TRIP4: variants seen among roughly 807,000 people sequenced by gnomAD.
TRIP4 encodes activating signal cointegrator 1.
Under a neutral mutation model 81.8 loss-of-function variants are expected in TRIP4, and 54 were observed. The ratio of observed to expected loss-of-function variants is 0.66; its 90% CI spans 0.53 to 0.83. The LOEUF (loss-of-function observed/expected upper bound fraction) is 0.83. TRIP4 is among the 40% of genes least tolerant of loss of function. TRIP4 has a pLI of 0.00. For missense variants in TRIP4, 662 were observed against 683.6 expected (o/e 0.97, Z 0.35); for synonymous variants, 270 against 242.8 (o/e 1.11, Z -1.04).
chr15:64,396,682 A>G (rs966937816), intron 3 of TRIP4, among the ~76,000 whole-genome samples: 1 of 152,226 alleles, frequency 6.6e-6, no homozygotes, highest in Admixed American at 6.5e-5. Context: ...ACACATCACA[A>G]TTTATCCATT....
At chr15:64,445,136 C>A in intron 12 of TRIP4, 28 bp downstream of exon 12, 1 of 1,281,614 alleles carries the variant, frequency 7.8e-7, no homozygotes, top group Non-Finnish European at 1.1e-6. Flanking sequence ...TTCTTTAAGA[C>A]TAGTCAAGTG....
intron 5 of TRIP4, among the ~76,000 whole-genome samples, chr15:64,402,941 G>A (rs190635917): frequency 3.3e-5 from 5 of 149,660 alleles, no homozygotes; most frequent in South Asian, 2.1e-4. Flanking sequence ...CTCGCTGCAA[G>A]CTCCATCTCC....
chr15:64,417,562 A>T (rs1891915065), intron 8 of TRIP4, among the ~76,000 whole-genome samples: 1 of 152,198 alleles, frequency 6.6e-6, no homozygotes, highest in Non-Finnish European at 1.5e-5. Flanking sequence ...AAGAAACATT[A>T]ACCTTTGCCA....
intron 3 of TRIP4, among the ~76,000 whole-genome samples, chr15:64,396,843 T>G (rs753872527): frequency 6.6e-6 from 1 of 152,244 alleles, no homozygotes; most frequent in African/African-American, 2.4e-5. Flanking sequence ...TCAGTTGATA[T>G]GAGTTTGCAG....
intron 12 of TRIP4, among the ~76,000 whole-genome samples, chr15:64,446,632 G>C (rs1461631968): frequency 6.6e-6 from 1 of 151,266 alleles, no homozygotes; most frequent in African/African-American, 2.4e-5. Context: ...TCGAACTCCT[G>C]ACCTTGTGAT....
At chr15:64,392,009 C>T (rs1240944776) in intron 1 of TRIP4, among the ~76,000 whole-genome samples, 1 of 142,690 alleles carries the variant, frequency 7.0e-6, no homozygotes, top group Non-Finnish European at 1.5e-5. Flanking sequence ...GGTGCAGCGG[C>T]TCAGCCTGTA....
chr15:64,406,084 T>C (rs1891615718), intron 5 of TRIP4, among the ~76,000 whole-genome samples: 1 of 152,232 alleles, frequency 6.6e-6, no homozygotes, highest in Non-Finnish European at 1.5e-5. Context: ...TTGGTGCCCT[T>C]AGTGAACCAA....
intron 11 of TRIP4, among the ~76,000 whole-genome samples, chr15:64,433,090 T>G (rs969367814): frequency 1.3e-5 from 2 of 151,960 alleles, no homozygotes; most frequent in Admixed American, 6.6e-5. Context: ...AAATAAAAAG[T>G]GAACCTAACT....
Position 64,404,154 on chromosome 15 carries a change from C to A in TRIP4, c.698-2176C>A, listed in dbSNP as rs529183111. 4.5e-3 allele frequency among the ~76,000 whole-genome samples: 688 copies of A among 151,796 alleles called. 2 individuals carry two copies. Among genetic ancestry groups the A allele is most frequent in the Non-Finnish European group, 7.0e-3 (476 of 67,942 alleles). ...GCAGTGAGCCGAGATTGCACCATTG[C>A]ACTCCAGCCTGGGCAACGAGAGTGA... On this transcript the variant is annotated intron_variant, in intron 5 of 12. Coordinates refer to ENST00000261884, the MANE Select transcript of TRIP4 (RefSeq NM_016213.5).
chr15:64,426,044 C>T (rs1046087718), intron 11 of TRIP4, among the ~76,000 whole-genome samples: 1 of 152,000 alleles, frequency 6.6e-6, no homozygotes, highest in East Asian at 1.9e-4. Context: ...GGTCCTGCCA[C>T]TGCACTCCAG....
rs1892858527 is a variant in TRIP4, at chr15:64,455,191, TAA to T, written c.*129_*130del. 5.7e-6 allele frequency: 4 copies of T among 699,518 alleles called. No homozygotes were observed. Among genetic ancestry groups the T allele is most frequent in the Middle Eastern group, 5.9e-4 (2 of 3,394 alleles). 43.3% of individuals were successfully genotyped at this position (699,518 alleles called of 1,614,324 possible). A position where few individuals can be genotyped will look rare whatever the true frequency, so the allele number is the denominator to read the frequency against. The stretch of plus-strand genomic sequence containing the variant: ...CGTCAGGCTTGAATATCTCAGAACT[TAA>T]ACTCTTACCAAAATCTGTATATTTT... On this transcript the variant is annotated 3_prime_UTR_variant, in exon 13 of 13. Coordinates refer to ENST00000261884, the MANE Select transcript of TRIP4 (RefSeq NM_016213.5).
chr15:64,408,179 C>A (rs1250528217), intron 6 of TRIP4, among the ~76,000 whole-genome samples: 2 of 121,612 alleles, frequency 1.6e-5, no homozygotes, highest in Admixed American at 8.9e-5. Flanking sequence ...TTTTTTTGAT[C>A]CGCCAGCCTC....
chr15:64,418,604 G>C lies in TRIP4; in HGVS notation c.1234G>C (p.Glu412Gln), dbSNP rs202181385. The C allele has an allele frequency of 7.1e-5, 114 of 1,613,710 alleles. No individual in the cohort carries two copies. Among genetic ancestry groups the C allele is most frequent in the Non-Finnish European group, 9.3e-6 (11 of 1,180,022 alleles). ...KAFRSSGFGLEFNSFQHQLRI... is the reference protein window; with the variant it reads ...KAFRSSGFGLQFNSFQHQLRI... ...TTTCCGTTCTTCAGGATTTGGACTA[G>C]AGTTCAACTCATTTCAGCACCAGTT... The change falls in exon 9 of 13, where the codon GAG (glutamate) becomes CAG (glutamine). Residue 412 changes from glutamate to glutamine, a missense_variant. Physicochemically the swap from Glu to Gln is conservative, Grantham distance 29 (BLOSUM62 2). Transcript: ENST00000261884.
intron 12 of TRIP4, among the ~76,000 whole-genome samples, chr15:64,449,133 G>C (rs1464123607): frequency 6.6e-6 from 1 of 151,674 alleles, no homozygotes; most frequent in East Asian, 1.9e-4. Context: ...TATTGCTTGA[G>C]CCCAGGAGTT....
intron 12 of TRIP4, among the ~76,000 whole-genome samples, chr15:64,446,785 C>T (rs1299277132): frequency 6.6e-6 from 1 of 151,720 alleles, no homozygotes; most frequent in Non-Finnish European, 1.5e-5. Context: ...CTAGAGCAGC[C>T]TCTTGTATTT....
chr15:64,425,659 G>C lies in TRIP4; in HGVS notation c.1575+28G>C. On this transcript the variant is annotated intron_variant, in intron 11 of 12. Coordinates refer to ENST00000261884, the MANE Select transcript of TRIP4 (RefSeq NM_016213.5). ...GAGTAAAGAATACTTTTTTTTTTTA[G>C]AGACAGGGTTTCGCCATGTTGGCCA... 3 of 1,536,942 alleles carry C rather than the reference G, an allele frequency of 2.0e-6. No individual in the cohort carries two copies. In the South Asian group the frequency reaches 3.5e-5, roughly 18 times the overall value.
chr15:64,421,282 A>G (rs76972764), intron 9 of TRIP4, among the ~76,000 whole-genome samples: 2 of 145,944 alleles, frequency 1.4e-5, no homozygotes, highest in East Asian at 2.0e-4. Context: ...ACTCCATCTG[A>G]AAAAAAAAAA....
chr15:64,445,514 C>T (rs893195818), intron 12 of TRIP4, among the ~76,000 whole-genome samples: 6 of 149,996 alleles, frequency 4.0e-5, no homozygotes, highest in East Asian at 2.0e-4. Context: ...TGGTGGCGTG[C>T]GCCTGTAGCA....
intron 8 of TRIP4, among the ~76,000 whole-genome samples, chr15:64,415,708 G>A (rs1891879731): frequency 6.6e-6 from 1 of 152,164 alleles, no homozygotes; most frequent in African/African-American, 2.4e-5. Context: ...GATTACACCT[G>A]TAAAGATTAT....
Sources: gnomAD v4.1 joint callset for allele counts (sites outside exome capture counted in the v4.1 genomes callset) on GRCh38, gnomAD v4.1.1 for gene constraint, MANE v1.5 for transcripts, NCBI Gene and HGNC (gene_info 2026-07-23, HGNC 2026-07-21) for gene names.